The following MOSPD1 variants were observed in gnomAD, a reference collection of about 807,000 sequenced individuals.
The protein encoded by MOSPD1 is motile sperm domain-containing protein 1.
Under a neutral mutation model 16.7 loss-of-function variants are expected in MOSPD1, and 5 were observed. That is an observed-to-expected ratio of 0.30 (90% CI 0.16 to 0.63). The LOEUF (loss-of-function observed/expected upper bound fraction) is 0.63. Among genes scored for constraint, MOSPD1 ranks in the 30% least tolerant of loss-of-function variants. The pLI is 0.82. For missense variants in MOSPD1, 104 were observed against 153.6 expected (o/e 0.68, Z 1.71); for synonymous variants, 67 against 59.2 (o/e 1.13, Z -0.61).
At chrX:134,905,096 A>G (rs190942952) in intron 1 of MOSPD1, among the ~76,000 whole-genome samples, 12,283 of 110,176 alleles carry the variant, frequency 0.11, 614 homozygotes, top group East Asian at 0.26. Flanking sequence ...GCGGTGGCTC[A>G]CGCCTGTAAT....
intron 5 of MOSPD1, among the ~76,000 whole-genome samples, chrX:134,890,823 A>G (rs1278703135): frequency 1.8e-5 from 2 of 111,441 alleles, no homozygotes; most frequent in Non-Finnish European, 3.8e-5. Flanking sequence ...TAAATAAATA[A>G]ATAAGAGAAA....
chrX:134,911,073 A>C (rs2082968992), intron 1 of MOSPD1, among the ~76,000 whole-genome samples: 1 of 112,198 alleles, frequency 8.9e-6, no homozygotes, highest in African/African-American at 3.2e-5. Context: ...TATGTTGCCC[A>C]GGCTGGTCTT....
At chrX:134,903,724 A>AAAAAAG (rs2082926524) in intron 1 of MOSPD1, among the ~76,000 whole-genome samples, 2 of 106,819 alleles carry the variant, frequency 1.9e-5, no homozygotes, top group Non-Finnish European at 3.9e-5. Context: ...AAAAAAAAAA[A>AAAAAAG]AAAAAGAAAG....
chrX:134,897,019 T>G lies in MOSPD1; in HGVS notation c.246A>C (p.Arg82=). Residue 82 remains arginine (R), a synonymous_variant, in exon 4 of 6, where the codon CGA becomes CGC. Transcript: ENST00000370783. ...QCCVDIVIRH[R]DVRSCHYGVI... ...CACCATAGTGACAGGATCGAACATC[T>G]CGATGACGAATCACACTGAAAACAG... is the stretch of plus-strand genomic sequence containing the variant. 8.3e-7 allele frequency: 1 copy of G among 1,199,247 alleles called. No individual in the cohort carries two copies. Among genetic ancestry groups the G allele is most frequent in the East Asian group, 3.0e-5 (1 of 33,632 alleles).
Position 134,888,974 on chromosome X carries a change from G to A in MOSPD1, c.*187C>T, listed in dbSNP as rs2082848031. On this transcript the variant is annotated 3_prime_UTR_variant, in exon 6 of 6. Transcript: ENST00000370783. ...GGTGTCACTCAGAAGCATCCTTGCT[G>A]TCTGTAAAATAATGTTCTGCAGTCC... is the stretch of plus-strand genomic sequence containing the variant. 3.9e-6 allele frequency: 1 copy of A among 257,933 alleles called. No homozygotes were observed. The highest frequency in any genetic ancestry group is 6.3e-5 in the East Asian group (1 of 15,804). 21.3% of individuals were successfully genotyped at this position (257,933 alleles called of 1,213,427 possible).
chrX:134,912,872 G>C (rs1275060509), intron 1 of MOSPD1, among the ~76,000 whole-genome samples: 1 of 108,109 alleles, frequency 9.2e-6, no homozygotes, highest in Non-Finnish European at 1.9e-5. Flanking sequence ...CCAGGAGGCA[G>C]AGTTTGCAGT....
At chrX:134,893,178 G>A (rs1056315496) in intron 4 of MOSPD1, among the ~76,000 whole-genome samples, 5 of 111,517 alleles carry the variant, frequency 4.5e-5, no homozygotes, top group Admixed American at 1.9e-4. Context: ...TACTTCATCA[G>A]AGCCAGAGAG....
chrX:134,905,555 AC>A (rs2082937483), intron 1 of MOSPD1, among the ~76,000 whole-genome samples: 1 of 85,201 alleles, frequency 1.2e-5, no homozygotes, highest in Admixed American at 1.1e-4. Context: ...TTTAAAAAAA[AC>A]GAATATTTAA....
At chrX:134,913,150 A>G (rs1233479262) in intron 1 of MOSPD1, among the ~76,000 whole-genome samples, 2 of 110,776 alleles carry the variant, frequency 1.8e-5, no homozygotes, top group African/African-American at 3.3e-5. Flanking sequence ...GAGGGGGGGC[A>G]GATCACTTGA....
chrX:134,899,977 TAA>T (rs1485775824), intron 1 of MOSPD1: 4 of 111,556 alleles, frequency 3.6e-5, no homozygotes, highest in Non-Finnish European at 5.6e-5. Context: ...CCAAATCACT[TAA>T]ACATGGCTTT....
chrX:134,897,060 C>A, intron 3 of MOSPD1, 26 bp from the exon 4 acceptor site: 1 of 1,097,494 alleles, frequency 9.1e-7, no homozygotes, highest in Non-Finnish European at 1.3e-6. Context: ...ATAACAAATG[C>A]TGTTTAGATT....
intron 1 of MOSPD1, among the ~76,000 whole-genome samples, chrX:134,912,258 G>A (rs1456290176): frequency 1.8e-5 from 2 of 111,611 alleles, no homozygotes; most frequent in Non-Finnish European, 3.8e-5. Context: ...ATGTTGGTCA[G>A]GCTGGTCTCA....
At chrX:134,911,292 G>C (rs2082970034) in intron 1 of MOSPD1, among the ~76,000 whole-genome samples, 1 of 112,283 alleles carries the variant, frequency 8.9e-6, no homozygotes, top group African/African-American at 3.2e-5. Flanking sequence ...ACTGTTGAAT[G>C]AATGTGGCAT....
chrX:134,914,984 G>C (rs2082990715), intron 1 of MOSPD1, among the ~76,000 whole-genome samples, 198 bp downstream of exon 1: 1 of 112,772 alleles, frequency 8.9e-6, no homozygotes. Flanking sequence ...AGTCACACAC[G>C]GGACAGGAAA....
chrX:134,914,067 G>A (rs1323249745), intron 1 of MOSPD1, among the ~76,000 whole-genome samples: 1 of 112,044 alleles, frequency 8.9e-6, no homozygotes, highest in African/African-American at 3.2e-5. Context: ...AATCCCATGT[G>A]TGCCTTGCCT....
chrX:134,899,178 G>A lies in MOSPD1; in HGVS notation c.155-13C>T. The A allele has an allele frequency of 1.7e-6, 2 of 1,175,453 alleles. No homozygotes were observed. The highest frequency in any genetic ancestry group is 2.3e-6 in the Non-Finnish European group (2 of 875,292). On this transcript the variant is annotated splice_polypyrimidine_tract_variant and intron_variant, in intron 2 of 5. Transcript: ENST00000370783. ...GTAGTACACAAAACTGAAAGAAAAA[G>A]TCACAATGGCCATTAGTGTTTTTTT...
chrX:134,902,434 A>G (rs773103867), intron 1 of MOSPD1, among the ~76,000 whole-genome samples: 1 of 110,518 alleles, frequency 9.0e-6, no homozygotes, highest in East Asian at 2.8e-4. Context: ...TAAAACAAAA[A>G]ACCAAAGTTG....
chrX:134,891,129 A>G (rs1232878141), intron 5 of MOSPD1, among the ~76,000 whole-genome samples: 1 of 111,471 alleles, frequency 9.0e-6, no homozygotes, highest in Non-Finnish European at 1.9e-5. Context: ...ACAAGGCTGC[A>G]CTGTTCATCT....
intron 3 of MOSPD1, among the ~76,000 whole-genome samples, chrX:134,898,566 C>G (rs2082897190): frequency 8.9e-6 from 1 of 111,931 alleles, no homozygotes; most frequent in African/African-American, 3.2e-5. Flanking sequence ...ATCTGACACT[C>G]TAAGATGAAA....
Sources: gnomAD v4.1 joint callset for allele counts (sites outside exome capture counted in the v4.1 genomes callset) on GRCh38, gnomAD v4.1.1 for gene constraint, MANE v1.5 for transcripts, NCBI Gene and HGNC (gene_info 2026-07-23, HGNC 2026-07-21) for gene names.